TYW1: variants seen among roughly 807,000 people sequenced by gnomAD.
TYW1 encodes the protein tRNA-yW synthesizing protein 1 homolog.
A neutral mutation model predicts 96.2 loss-of-function variants in TYW1; 46 were observed. The observed-to-expected ratio is 0.48, with a 90% CI of 0.38 to 0.61. The LOEUF is 0.61. TYW1 is among the 20% of genes least tolerant of loss of function. The pLI, the probability that TYW1 is intolerant of heterozygous loss-of-function variation, is 0.00. For synonymous variants in TYW1, 274 were observed against 323.0 expected (o/e 0.85, Z 1.63); for missense variants, 684 against 909.6 (o/e 0.75, Z 3.19).
At chr7:67,060,401 A>T (rs1035713218) in intron 9 of TYW1, among the ~76,000 whole-genome samples, 4 of 152,242 alleles carry the variant, frequency 2.6e-5, no homozygotes, top group Admixed American at 6.5e-5. Context: ...AAGGGAAAAT[A>T]AAAGGTAAAC....
chr7:67,235,199 C>T (rs560052309), intron 15 of TYW1, among the ~76,000 whole-genome samples: 1 of 152,210 alleles, frequency 6.6e-6, no homozygotes, highest in Non-Finnish European at 1.5e-5. Flanking sequence ...AGAGACTCCT[C>T]TACAGGGCCA....
At chr7:67,139,765 G>GTGTGTGTGTGTA in intron 13 of TYW1, among the ~76,000 whole-genome samples, 1 of 151,650 alleles carries the variant, frequency 6.6e-6, no homozygotes, top group East Asian at 1.9e-4. Context: ...GTGTGTGTGT[G>GTGTGTGTGTGTA]TGTGTGTATG....
At chr7:67,217,207 T>G (rs1445895768) in intron 15 of TYW1, among the ~76,000 whole-genome samples, 4 of 152,192 alleles carry the variant, frequency 2.6e-5, no homozygotes, top group Non-Finnish European at 5.9e-5. Flanking sequence ...TTCCCCATTT[T>G]CTGAGTTGCC....
chr7:67,239,091 G>C lies in TYW1; in HGVS notation c.*562G>C. ...TAAATACTGCATAGATTGAGTTTTG[G>C]TTTATTACCAACCCTTCCCAGAATT... On this transcript the variant is annotated 3_prime_UTR_variant, in exon 16 of 16. Transcript: ENST00000359626. 1 of 986,412 alleles carries C rather than the reference G, an allele frequency of 1.0e-6. No homozygotes were observed. The allele number at this position is 986,412 out of a possible 1,614,324, so 61.1% of individuals were successfully genotyped here.
intron 12 of TYW1, among the ~76,000 whole-genome samples, chr7:67,111,881 C>T (rs1020766147): frequency 2.0e-5 from 3 of 152,080 alleles, no homozygotes; most frequent in Admixed American, 1.3e-4. Flanking sequence ...AGGTGGGTCA[C>T]CTGCAGTCAG....
At chr7:67,142,291 A>G (rs965564472) in intron 13 of TYW1, among the ~76,000 whole-genome samples, 3 of 152,096 alleles carry the variant, frequency 2.0e-5, no homozygotes, top group Non-Finnish European at 4.4e-5. Flanking sequence ...TTTTGTAGAA[A>G]TGGGGTCTCA....
At chr7:67,168,701 CTTATTCTTTT>C (rs1799427352) in intron 13 of TYW1, among the ~76,000 whole-genome samples, 1 of 151,836 alleles carries the variant, frequency 6.6e-6, no homozygotes, top group Non-Finnish European at 1.5e-5. Context: ...ATTTTTATTT[CTTATTCTTTT>C]TTTTTCTTTT....
At chr7:67,032,995 C>T (rs1226942056) in intron 7 of TYW1, among the ~76,000 whole-genome samples, 1 of 141,956 alleles carries the variant, frequency 7.0e-6, no homozygotes, top group Non-Finnish European at 1.5e-5. Flanking sequence ...CTCCCAGGTT[C>T]AAGCGATTGT....
intron 12 of TYW1, among the ~76,000 whole-genome samples, chr7:67,116,668 G>A (rs1797604453): frequency 6.6e-6 from 1 of 152,104 alleles, no homozygotes; most frequent in Non-Finnish European, 1.5e-5. Context: ...CAGCCTGGAT[G>A]AGAATGAGAT....
chr7:67,013,061 AT>A (rs1373347157), intron 4 of TYW1, among the ~76,000 whole-genome samples: 1 of 151,396 alleles, frequency 6.6e-6, no homozygotes, highest in Non-Finnish European at 1.5e-5. Context: ...AAAACTTTTT[AT>A]TGCTTTAATT....
intron 13 of TYW1, among the ~76,000 whole-genome samples, chr7:67,154,898 C>T (rs1304707315): frequency 6.6e-6 from 1 of 152,080 alleles, no homozygotes; most frequent in Non-Finnish European, 1.5e-5. Context: ...TAAAAAAAAT[C>T]CGAGTTGTTT....
chr7:67,118,689 G>A (rs1054058241), intron 13 of TYW1, among the ~76,000 whole-genome samples: 1 of 151,772 alleles, frequency 6.6e-6, no homozygotes, highest in Non-Finnish European at 1.5e-5. Flanking sequence ...GAGGTCAGGA[G>A]TTCAAGACCA....
At chr7:67,135,747 A>G (rs1798235345) in intron 13 of TYW1, among the ~76,000 whole-genome samples, 1 of 152,078 alleles carries the variant, frequency 6.6e-6, no homozygotes, top group Non-Finnish European at 1.5e-5. Flanking sequence ...CTGTCCAGGT[A>G]TGGCAGCCCC....
At chr7:67,042,842 CAA>C (rs1015495123) in intron 7 of TYW1, among the ~76,000 whole-genome samples, 10 of 151,802 alleles carry the variant, frequency 6.6e-5, no homozygotes, top group Admixed American at 2.0e-4. Context: ...ACTAAAAATA[CAA>C]AAGTTAGTGG....
At chr7:67,050,920 G>A (rs1795335169) in intron 8 of TYW1, among the ~76,000 whole-genome samples, 1 of 150,678 alleles carries the variant, frequency 6.6e-6, no homozygotes. Context: ...CTTTGAGACA[G>A]AGTCTCTCTC....
At chr7:66,999,694 T>TA (rs1793314123) in intron 3 of TYW1, among the ~76,000 whole-genome samples, 1 of 152,164 alleles carries the variant, frequency 6.6e-6, no homozygotes, top group South Asian at 2.1e-4. Context: ...TTTTGATTTC[T>TA]AATAGTGCTA....
intron 15 of TYW1, among the ~76,000 whole-genome samples, chr7:67,222,204 T>A (rs1031247007): frequency 2.6e-5 from 4 of 151,828 alleles, no homozygotes; most frequent in African/African-American, 9.7e-5. Flanking sequence ...CTCAAAAAAA[T>A]AAAAAGAAAA....
chr7:67,142,837 A>T (rs1206814253), intron 13 of TYW1, among the ~76,000 whole-genome samples: 2 of 152,126 alleles, frequency 1.3e-5, no homozygotes, highest in East Asian at 3.9e-4. Flanking sequence ...GGATCACCTG[A>T]GGTCAGGAAT....
At chr7:67,098,318 G>A (rs529359120) in intron 11 of TYW1, among the ~76,000 whole-genome samples, 406 of 152,336 alleles carry the variant, frequency 2.7e-3, no homozygotes, top group Non-Finnish European at 4.2e-3. Context: ...TTGCCTGTTT[G>A]TATTGATGTA....
Sources: allele counts gnomAD v4.1 joint callset (sites outside exome capture counted in the v4.1 genomes callset), GRCh38; gene constraint gnomAD v4.1.1; transcripts MANE v1.5; gene names NCBI Gene and HGNC (gene_info 2026-07-23, HGNC 2026-07-21).